FANCC: variants seen among roughly 807,000 people sequenced by gnomAD.
FANCC encodes the protein Fanconi anemia group C protein.
In FANCC, 55 loss-of-function variants were observed where a neutral mutation model predicts 71.3. The ratio of observed to expected loss-of-function variants is 0.77; its 90% CI spans 0.62 to 0.97. The LOEUF (loss-of-function observed/expected upper bound fraction) is 0.97, where lower values mean the gene tolerates loss of function less well. FANCC is among the 50% of genes least tolerant of loss of function. The pLI is 0.00. For synonymous variants in FANCC, 275 were observed against 244.9 expected (o/e 1.12, Z -1.15); for missense variants, 678 against 670.9 (o/e 1.01, Z -0.12).
intron 3 of FANCC, among the ~76,000 whole-genome samples, chr9:95,243,720 G>A (rs1249559349): frequency 6.6e-6 from 1 of 152,132 alleles, no homozygotes; most frequent in African/African-American, 2.4e-5. Context: ...CGTGAACCTA[G>A]GAAGCAGAGC....
intron 6 of FANCC, among the ~76,000 whole-genome samples, chr9:95,170,607 T>C (rs930848274): frequency 1.3e-5 from 2 of 150,658 alleles, no homozygotes; most frequent in African/African-American, 4.9e-5. Context: ...ATAGGGCATA[T>C]GTTCACATCA....
chr9:95,158,870 G>A (rs549354743), intron 6 of FANCC, among the ~76,000 whole-genome samples: 1 of 152,118 alleles, frequency 6.6e-6, no homozygotes, highest in African/African-American at 2.4e-5. Flanking sequence ...GGACTCAAAG[G>A]CAAGACCTAT....
chr9:95,155,257 G>GAGGAA (rs1554839746), intron 6 of FANCC, among the ~76,000 whole-genome samples: 1 of 6,738 alleles, frequency 1.5e-4, no homozygotes, highest in Non-Finnish European at 2.5e-4. Context: ...GAGGGGAGGG[G>GAGGAA]AGGGGAGGGG....
chr9:95,219,755 T>C (rs998593121), intron 4 of FANCC, among the ~76,000 whole-genome samples: 1 of 152,082 alleles, frequency 6.6e-6, no homozygotes, highest in South Asian at 2.1e-4. Context: ...CCTAAAACCA[T>C]AAAAACCCTA....
chr9:95,111,099 T>C, intron 13 of FANCC: 2 of 1,521,306 alleles, frequency 1.3e-6, no homozygotes, highest in Non-Finnish European at 1.8e-6. Context: ...GTGGCCAGGC[T>C]CTGCTGCCGG....
intron 1 of FANCC, among the ~76,000 whole-genome samples, chr9:95,307,481 C>T (rs1177279684): frequency 1.3e-5 from 2 of 152,162 alleles, no homozygotes; most frequent in African/African-American, 4.8e-5. Context: ...TTAGAAGTCA[C>T]CAGAGAACCC....
chr9:95,126,423 A>G, intron 9 of FANCC, 106 bp downstream of exon 9: 1 of 1,120,102 alleles, frequency 8.9e-7, no homozygotes, highest in Non-Finnish European at 1.3e-6. Context: ...CAGAAACTCT[A>G]ATTTCCCCAT....
chr9:95,189,394 T>G (rs1431855820), intron 4 of FANCC, among the ~76,000 whole-genome samples: 1 of 152,192 alleles, frequency 6.6e-6, no homozygotes, highest in Non-Finnish European at 1.5e-5. Context: ...GCCCGTTGTT[T>G]ACATAGCCTA....
intron 10 of FANCC, among the ~76,000 whole-genome samples, chr9:95,119,365 C>T (rs201438578): frequency 1.4e-5 from 2 of 141,302 alleles, no homozygotes; most frequent in Admixed American, 7.1e-5. Context: ...TCTTCCTTTT[C>T]TTTTTTTTTT....
At chr9:95,165,000 T>C (rs925049812) in intron 6 of FANCC, among the ~76,000 whole-genome samples, 1 of 152,128 alleles carries the variant, frequency 6.6e-6, no homozygotes, top group African/African-American at 2.4e-5. Flanking sequence ...TATTTCTTCA[T>C]TATTCAGTCG....
intron 4 of FANCC, among the ~76,000 whole-genome samples, chr9:95,195,954 T>C (rs1317782294): frequency 6.6e-6 from 1 of 152,118 alleles, no homozygotes; most frequent in Non-Finnish European, 1.5e-5. Flanking sequence ...GTGTTGATCT[T>C]GTATCCTGCA....
intron 2 of FANCC, 63 bp downstream of exon 2, chr9:95,249,064 G>T: frequency 6.4e-7 from 1 of 1,564,662 alleles, no homozygotes; most frequent in Non-Finnish European, 8.8e-7. Context: ...ATTCTGTCTT[G>T]GTGAAATCTG....
At chr9:95,296,731 C>G (rs1458778738) in intron 1 of FANCC, among the ~76,000 whole-genome samples, 1 of 152,090 alleles carries the variant, frequency 6.6e-6, no homozygotes, top group Non-Finnish European at 1.5e-5. Flanking sequence ...AGAGTATACA[C>G]CAAAATAAAG....
chr9:95,185,094 G>A (rs1222053478), intron 4 of FANCC, among the ~76,000 whole-genome samples: 1 of 152,152 alleles, frequency 6.6e-6, no homozygotes, highest in Non-Finnish European at 1.5e-5. Context: ...CATACCCATT[G>A]GCTGGTGATA....
At chr9:95,234,419 A>T (rs1359686895) in intron 4 of FANCC, among the ~76,000 whole-genome samples, 1 of 152,240 alleles carries the variant, frequency 6.6e-6, no homozygotes, top group Non-Finnish European at 1.5e-5. Context: ...AAACTGACTA[A>T]TCACAATGCC....
chr9:95,286,882 A>G (rs1165796665), intron 1 of FANCC, among the ~76,000 whole-genome samples: 2 of 152,182 alleles, frequency 1.3e-5, no homozygotes, highest in African/African-American at 4.8e-5. Flanking sequence ...AAATCATCTT[A>G]AACACTAAAT....
chr9:95,134,734 G>A (rs1489764614), intron 8 of FANCC, among the ~76,000 whole-genome samples: 1 of 152,222 alleles, frequency 6.6e-6, no homozygotes, highest in Non-Finnish European at 1.5e-5. Flanking sequence ...TGGTGGCGAG[G>A]GCCACTGAGA....
chr9:95,175,849 A>C (rs1395341608), intron 4 of FANCC, among the ~76,000 whole-genome samples: 3 of 152,212 alleles, frequency 2.0e-5, no homozygotes, highest in African/African-American at 7.2e-5. Flanking sequence ...CCATATGTCA[A>C]ATCCACGCGG....
chr9:95,161,283 A>C (rs1426961158), intron 6 of FANCC, among the ~76,000 whole-genome samples: 3 of 152,220 alleles, frequency 2.0e-5, no homozygotes, highest in Non-Finnish European at 4.4e-5. Flanking sequence ...GGAAGGAGGA[A>C]GGAGGCCTGG....
Sources: allele counts gnomAD v4.1 joint callset (sites outside exome capture counted in the v4.1 genomes callset), GRCh38; gene constraint gnomAD v4.1.1; transcripts MANE v1.5; gene names NCBI Gene and HGNC (gene_info 2026-07-23, HGNC 2026-07-21).